The following MED23 variants were observed in gnomAD, a reference collection of about 807,000 sequenced individuals.
MED23 encodes the protein mediator of RNA polymerase II transcription subunit 23.
A neutral mutation model predicts 163.9 loss-of-function variants in MED23; 105 were observed. That is an observed-to-expected ratio of 0.64 (90% CI 0.55 to 0.75). The LOEUF (loss-of-function observed/expected upper bound fraction) is 0.75. Ranked by LOEUF, MED23 falls within the 30% of genes least tolerant of loss-of-function variation. The probability of loss-of-function intolerance (pLI) is 0.00; values close to 1 mark genes in which losing one functional copy is unlikely to be tolerated. For synonymous variants in MED23, 561 were observed against 565.6 expected (o/e 0.99, Z 0.12); for missense variants, 1,054 against 1,649.0 (o/e 0.64, Z 6.25).
rs76770001 is a variant in MED23 at position 131,578,468 on chromosome 6, T to G, written c.4096-4173A>C. 4.3e-4 allele frequency among the ~76,000 whole-genome samples: 65 copies of G among 152,224 alleles called. No individual in the cohort carries two copies. The South Asian group carries it at 0.013, about 31-fold the overall frequency. ...GGGAGCACACCCAGTCCTTAGGAAT[T>G]TGGGGTTACCTGCAATTTTTCCTTA... On this transcript the variant is annotated intron_variant, in intron 30 of 30. Transcript: ENST00000354577.
chr6:131,590,448 A>G lies in MED23; in HGVS notation c.3687-6T>C. 1 of 1,598,780 alleles carries G rather than the reference A, an allele frequency of 6.3e-7. No homozygotes were observed. On this transcript the variant is annotated splice_region_variant and splice_polypyrimidine_tract_variant and intron_variant, in intron 26 of 28. Transcript: ENST00000368068. ...GAAGTACTTCAGTAAGAAACCTAAAATTTGAAGATAAAAATCTCCTGTGAC... is the reference window on the plus strand; with the variant it reads ...GAAGTACTTCAGTAAGAAACCTAAAGTTTGAAGATAAAAATCTCCTGTGAC...
intron 10 of MED23, among the ~76,000 whole-genome samples, chr6:131,612,644 T>C (rs1198589908): frequency 6.6e-6 from 1 of 152,146 alleles, no homozygotes; most frequent in Non-Finnish European, 1.5e-5. Flanking sequence ...AGTTAAAACC[T>C]GTTTTAAGAA....
downstream of MED23, among the ~76,000 whole-genome samples, chr6:131,585,661 T>C (rs929438950): frequency 1.4e-4 from 21 of 152,210 alleles, no homozygotes; most frequent in Admixed American, 3.9e-4. Context: ...ATTTCCATCA[T>C]TGCAGAAAGT....
Position 131,628,142 on chromosome 6 carries a change from T to C in MED23, c.-93A>G, listed in dbSNP as rs111989997. On this transcript the variant is annotated 5_prime_UTR_variant, in exon 1 of 29. Transcript: ENST00000368068. ...ATAGGGGCAGAGGGGCGGAGACCTCTGGAGGAAACCGTAGCTCCTCGGCGT... is the reference window on the plus strand; with the variant it reads ...ATAGGGGCAGAGGGGCGGAGACCTCCGGAGGAAACCGTAGCTCCTCGGCGT... 3,423 of 1,456,550 alleles carry C rather than the reference T, an allele frequency of 2.4e-3. 65 individuals carry two copies. The African/African-American group carries it at 0.042, about 18-fold the overall frequency. The allele number at this position is 1,456,550 out of a possible 1,614,324, so 90.2% of individuals were successfully genotyped here.
At chr6:131,609,419 C>T (rs1041370652) in intron 11 of MED23, among the ~76,000 whole-genome samples, 5 of 150,972 alleles carry the variant, frequency 3.3e-5, no homozygotes, top group African/African-American at 1.2e-4. Context: ...TTCTTTTTCT[C>T]TCAGCAAGTT....
At chr6:131,583,307 T>C (rs1562361177), downstream of MED23, 10 of 1,613,036 alleles carry the variant, frequency 6.2e-6, no homozygotes, top group African/African-American at 1.3e-5. Context: ...ATCTATGAAA[T>C]GTGAAGCCAT....
chr6:131,595,011 G>A (rs186133678), intron 22 of MED23, among the ~76,000 whole-genome samples: 128 of 152,202 alleles, frequency 8.4e-4, no homozygotes, highest in African/African-American at 2.8e-3. Context: ...TTAAAAGAAC[G>A]CTCACTTGAA....
intron 4 of MED23, among the ~76,000 whole-genome samples, chr6:131,624,415 C>T (rs1777335228): frequency 1.3e-5 from 2 of 152,180 alleles, no homozygotes; most frequent in Non-Finnish European, 2.9e-5. Flanking sequence ...CAGATGACAG[C>T]CAGGAATCAA....
In MED23 at chr6:131,587,651, T is replaced by G; in HGVS notation, c.*28A>C. On this transcript the variant is annotated 3_prime_UTR_variant, in exon 29 of 29. Transcript: ENST00000368068. ...GTCCACTCTCAAAGACGGATATATT[T>G]CTACTTTCTCCACAGTACAGTCTGG... 1 of 1,613,918 alleles carries G rather than the reference T, an allele frequency of 6.2e-7. No individual in the cohort carries two copies. Among genetic ancestry groups the G allele is most frequent in the Non-Finnish European group, 8.5e-7 (1 of 1,179,902 alleles).
downstream of MED23, chr6:131,583,350 A>AAAAG: frequency 6.2e-7 from 1 of 1,614,166 alleles, no homozygotes; most frequent in Non-Finnish European, 8.5e-7. Context: ...CCCACTTCTT[A>AAAAG]AAAGAAAGAA....
At chr6:131,621,460 AT>A (rs1363410481) in intron 6 of MED23, among the ~76,000 whole-genome samples, 2 of 152,148 alleles carry the variant, frequency 1.3e-5, no homozygotes, top group South Asian at 2.1e-4. Flanking sequence ...TATGTAAAAA[AT>A]ATCTAAAAAT....
At chr6:131,583,422 G>A, downstream of MED23, 1 of 1,614,104 alleles carries the variant, frequency 6.2e-7, no homozygotes, top group Non-Finnish European at 8.5e-7. Flanking sequence ...ACCAGCTACT[G>A]GCACACCAGT....
intron 3 of MED23, chr6:131,627,151 G>A: frequency 2.2e-6 from 1 of 460,352 alleles, no homozygotes; most frequent in Non-Finnish European, 3.8e-6. Context: ...TCTAACATAG[G>A]GGAGGTTTTT....
chr6:131,602,124 G>A, intron 17 of MED23, 94 bp downstream of exon 17: 3 of 1,390,798 alleles, frequency 2.2e-6, no homozygotes. Context: ...CAAATGAAAA[G>A]TATCTTTTTA....
chr6:131,625,851 G>A (rs1409917990), intron 3 of MED23, among the ~76,000 whole-genome samples: 3 of 151,942 alleles, frequency 2.0e-5, no homozygotes, highest in African/African-American at 4.8e-5. Flanking sequence ...AGCCGGGCGC[G>A]GTGGCTCATG....
chr6:131,581,424 A>G (rs774010625), intron 30 of MED23: 4 of 1,569,452 alleles, frequency 2.5e-6, no homozygotes, highest in Non-Finnish European at 3.5e-6. Context: ...ACTTTTTAGT[A>G]GACATTCAGG....
chr6:131,591,548 T>C, intron 25 of MED23, 21 bp from the exon 26 acceptor site: 2 of 1,542,804 alleles, frequency 1.3e-6, no homozygotes, highest in Non-Finnish European at 1.8e-6. Context: ...GGAGGAAAGC[T>C]AGTGAAAAAT....
intron 4 of MED23, 61 bp downstream of exon 4, chr6:131,624,804 C>A: frequency 1.3e-6 from 2 of 1,586,998 alleles, no homozygotes; most frequent in South Asian, 1.1e-5. Context: ...CAACCTCAAC[C>A]AATTTCCAAT....
chr6:131,587,167 C>G lies in MED23; in HGVS notation c.*512G>C. ...AGTCATTTTAAAAAGAATATGAAGC[C>G]TTGTTTGCTCCTACAATGCAACAAA... On this transcript the variant is annotated 3_prime_UTR_variant, in exon 29 of 29. Coordinates refer to ENST00000368068, the MANE Select transcript of MED23 (RefSeq NM_004830.4). 2 of 1,176,276 alleles carry G rather than the reference C, an allele frequency of 1.7e-6. No individual in the cohort carries two copies. The highest frequency in any genetic ancestry group is 6.1e-5 in the South Asian group (2 of 32,644). 72.9% of individuals were successfully genotyped at this position (1,176,276 alleles called of 1,614,324 possible).
Sources: allele counts gnomAD v4.1 joint callset (sites outside exome capture counted in the v4.1 genomes callset), GRCh38; gene constraint gnomAD v4.1.1; transcripts MANE v1.5; gene names NCBI Gene and HGNC (gene_info 2026-07-23, HGNC 2026-07-21).